KIRREL3: variants seen among roughly 807,000 people sequenced by gnomAD.
KIRREL3 encodes kin of IRRE-like protein 3.
A neutral mutation model predicts 89.7 loss-of-function variants in KIRREL3; 36 were observed. The ratio of observed to expected loss-of-function variants is 0.40; its 90% CI spans 0.31 to 0.53. KIRREL3 has a LOEUF of 0.53. Ranked by LOEUF, KIRREL3 falls within the 20% of genes least tolerant of loss-of-function variation. The pLI is 0.49. For synonymous variants in KIRREL3, 445 were observed against 441.4 expected, an observed-to-expected ratio of 1.01 and a Z score of -0.10; for missense variants, 864 against 1,056.6, an observed-to-expected ratio of 0.82 and a Z score of 2.53.
intron 10 of KIRREL3, among the ~76,000 whole-genome samples, chr11:126,444,012 C>T (rs1480313556): frequency 1.3e-5 from 2 of 152,190 alleles, no homozygotes; most frequent in Non-Finnish European, 2.9e-5. Flanking sequence ...CAGGGACGTC[C>T]GCATTTGCGT....
At chr11:126,678,533 G>A (rs1946300086) in intron 1 of KIRREL3, among the ~76,000 whole-genome samples, 1 of 143,706 alleles carries the variant, frequency 7.0e-6, no homozygotes, top group South Asian at 2.3e-4. Flanking sequence ...CTGGGAGACG[G>A]AGCTTACAGT....
intron 1 of KIRREL3, among the ~76,000 whole-genome samples, chr11:126,871,068 A>G (rs1945092640): frequency 6.6e-6 from 1 of 152,182 alleles, no homozygotes; most frequent in Non-Finnish European, 1.5e-5. Context: ...CTTTTGATGA[A>G]AGGAGCAGAT....
chr11:126,550,723 A>G lies in KIRREL3; in HGVS notation c.133+12112T>C, dbSNP rs1205153964. ...AAAACCAGAACCAAAACAGCCACAA[A>G]AACAGCTGGGTGTGAAATGTTGGAG... On this transcript the variant is annotated intron_variant, in intron 2 of 16. Transcript: ENST00000525144. This position sits in a 1 kb window ranked among gnomAD's most constrained non-coding sequence, Gnocchi z 4.9. 6.6e-6 allele frequency: 1 copy of G among 152,208 alleles called. No individual in the cohort carries two copies. Among genetic ancestry groups the G allele is most frequent in the African/African-American group, 2.4e-5 (1 of 41,462 alleles). 9.4% of individuals were successfully genotyped at this position (152,208 alleles called of 1,614,324 possible). A position where few individuals can be genotyped will look rare whatever the true frequency, so the allele number is the denominator to read the frequency against.
chr11:126,552,139 C>G (rs1344100714), intron 2 of KIRREL3, among the ~76,000 whole-genome samples: 1 of 152,180 alleles, frequency 6.6e-6, no homozygotes, highest in Non-Finnish European at 1.5e-5. Flanking sequence ...TTTCTTTACT[C>G]TCAGGTATTA....
intron 1 of KIRREL3, among the ~76,000 whole-genome samples, chr11:126,980,736 T>C (rs1181182420): frequency 2.6e-5 from 4 of 152,180 alleles, no homozygotes; most frequent in Non-Finnish European, 4.4e-5. Context: ...GCTGGGAATA[T>C]AGGATGCTCT....
At position 126,526,005 on chromosome 11, in the gene KIRREL3, CG is replaced by C. The variant is rs1481795274; in HGVS notation, c.283+532del. ...TTGCTGAATACCAGCCTGCCCAAGC[CG>C]AACATAGTTGGAAATTTATTTTTAA... On this transcript the variant is annotated intron_variant, in intron 3 of 16. Transcript: ENST00000525144. This position sits in a 1 kb window ranked among gnomAD's most constrained non-coding sequence, Gnocchi z 5.7. 2.0e-5 allele frequency among the ~76,000 whole-genome samples: 3 copies of C among 152,184 alleles called. No homozygotes were observed. In the East Asian group the frequency reaches 5.8e-4, roughly 29 times the overall value.
chr11:126,966,856 C>T lies in KIRREL3; in HGVS notation c.55+33599G>A, dbSNP rs1591395551. On this transcript the variant is annotated intron_variant, in intron 1 of 16. Transcript: ENST00000525144. The stretch of plus-strand genomic sequence containing the variant: ...CTAAAACAATCAGCACACTTTCTGA[C>T]ACAGAGCTGTCCTCAGTAAACAAGA... Among the ~76,000 whole-genome samples the T allele has an allele frequency of 2.0e-5, 3 of 152,346 alleles. No homozygotes were observed. In the East Asian group the frequency reaches 5.8e-4, roughly 29 times the overall value.
chr11:126,593,932 A>G (rs900311656), intron 1 of KIRREL3, among the ~76,000 whole-genome samples: 3 of 152,178 alleles, frequency 2.0e-5, no homozygotes, highest in African/African-American at 7.2e-5. Context: ...CTCCACCCAG[A>G]GGGCAAGGCC....
Position 126,983,724 on chromosome 11 carries a change from A to G in KIRREL3, c.55+16731T>C, listed in dbSNP as rs576548241. 6.6e-6 allele frequency among the ~76,000 whole-genome samples: 1 copy of G among 152,326 alleles called. No homozygotes were observed. The highest frequency in any genetic ancestry group is 2.1e-4 in the South Asian group (1 of 4,824). On this transcript the variant is annotated intron_variant, in intron 1 of 16. Coordinates refer to ENST00000525144, the MANE Select transcript of KIRREL3 (RefSeq NM_032531.4). The surrounding 1 kb of genome is among the most constrained non-coding windows in gnomAD (Gnocchi z 4.9). ...AACAGCCCTGCAGCACCTGGATGCC[A>G]GCCCGTGAGATCCATTCTAGACCTC...
At chr11:126,809,608 CTAAT>C (rs1248297558) in intron 1 of KIRREL3, among the ~76,000 whole-genome samples, 1 of 152,212 alleles carries the variant, frequency 6.6e-6, no homozygotes, top group Non-Finnish European at 1.5e-5. Flanking sequence ...CTTTGTTTAA[CTAAT>C]TAATTAATTC....
At chr11:126,691,609 AT>A (rs766237573) in intron 1 of KIRREL3, among the ~76,000 whole-genome samples, 7 of 152,222 alleles carry the variant, frequency 4.6e-5, no homozygotes, top group South Asian at 2.1e-4. Context: ...TTTAAAAAAA[AT>A]ATATGTAGCA....
chr11:126,745,258 G>T (rs1363896877), intron 1 of KIRREL3, among the ~76,000 whole-genome samples: 3 of 152,154 alleles, frequency 2.0e-5, no homozygotes, highest in Admixed American at 6.5e-5. Flanking sequence ...CTCTGAAATT[G>T]CAGGCTTTCA....
chr11:126,425,368 A>T (rs925237832), intron 16 of KIRREL3, among the ~76,000 whole-genome samples: 1 of 152,162 alleles, frequency 6.6e-6, no homozygotes, highest in African/African-American at 2.4e-5. Context: ...AATTGTTTTT[A>T]TCCAGAACAT....
At position 126,723,838 on chromosome 11, in the gene KIRREL3, A is replaced by C. The variant is rs1202774753; in HGVS notation, c.56-160926T>G. On this transcript the variant is annotated intron_variant, in intron 1 of 16. Transcript: ENST00000525144. This position sits in a 1 kb window ranked among gnomAD's most constrained non-coding sequence, Gnocchi z 4.0. Reference sequence around the variant, plus strand: ...TCAGAACTTTGGAAAAAGTCCAACGAGCAACAAAATACTCAAAATACTTTA... The same window carrying C: ...TCAGAACTTTGGAAAAAGTCCAACGCGCAACAAAATACTCAAAATACTTTA... Among the ~76,000 whole-genome samples, 2 of 152,248 alleles carry C rather than the reference A, an allele frequency of 1.3e-5. No individual in the cohort carries two copies. Among genetic ancestry groups the C allele is most frequent in the Non-Finnish European group, 2.9e-5 (2 of 68,046 alleles).
rs375879949 is a variant in KIRREL3, at chr11:126,787,664, G to A, written c.55+212791C>T. On this transcript the variant is annotated intron_variant, in intron 1 of 16. Transcript: ENST00000525144. Reference sequence around the variant, plus strand: ...GGTACAGCTTGGACAGCCAGCCTCCGGAATATAATTGACTTGCTTCTTGTT... The same window carrying A: ...GGTACAGCTTGGACAGCCAGCCTCCAGAATATAATTGACTTGCTTCTTGTT... Among the ~76,000 whole-genome samples, 7 of 152,228 alleles carry A rather than the reference G, an allele frequency of 4.6e-5. No homozygotes were observed. In the East Asian group the frequency reaches 5.8e-4, roughly 13 times the overall value.
intron 2 of KIRREL3, among the ~76,000 whole-genome samples, chr11:126,543,028 A>G (rs659953): frequency 0.31 from 46,629 of 151,898 alleles, 9,505 homozygotes; most frequent in East Asian, 0.84. Context: ...ATCAGCCCCC[A>G]TGTAGAGACT....
In KIRREL3 at chr11:126,742,554, A is replaced by G. The variant is rs1274050646; in HGVS notation, c.56-179642T>C. On this transcript the variant is annotated intron_variant, in intron 1 of 16. Coordinates refer to ENST00000525144, the MANE Select transcript of KIRREL3 (RefSeq NM_032531.4). This position sits in a 1 kb window ranked among gnomAD's most constrained non-coding sequence, Gnocchi z 5.3. ...GAAAGAACAAGAGATTTTCCCATAA[A>G]GCTCCCCTCACCATGGGCATGAGGA... is the stretch of plus-strand genomic sequence containing the variant. Among the ~76,000 whole-genome samples, 3 of 152,188 alleles carry G rather than the reference A, an allele frequency of 2.0e-5. No individual in the cohort carries two copies. The highest frequency in any genetic ancestry group is 7.2e-5 in the African/African-American group (3 of 41,446).
At chr11:126,759,849 C>T (rs1592085538) in intron 1 of KIRREL3, among the ~76,000 whole-genome samples, 1 of 152,122 alleles carries the variant, frequency 6.6e-6, no homozygotes, top group African/African-American at 2.4e-5. Flanking sequence ...TAGGAAAATG[C>T]ATCTAGAATA....
chr11:126,775,204 G>A (rs1266533895), intron 1 of KIRREL3, among the ~76,000 whole-genome samples: 2 of 152,118 alleles, frequency 1.3e-5, no homozygotes, highest in Non-Finnish European at 2.9e-5. Context: ...AGCCATGGGA[G>A]GCAACATGAG....
Sources: allele counts gnomAD v4.1 joint callset (sites outside exome capture counted in the v4.1 genomes callset), GRCh38; gene constraint gnomAD v4.1.1; non-coding constraint Gnocchi (gnomAD v3.1); transcripts MANE v1.5; gene names NCBI Gene and HGNC (gene_info 2026-07-23, HGNC 2026-07-21).